The following BAAT variants were observed in gnomAD, a reference collection of about 807,000 sequenced individuals.
The protein encoded by BAAT is bile acid-CoA:amino acid N-acyltransferase.
A neutral mutation model predicts 18.9 loss-of-function variants in BAAT; 13 were observed. That is an observed-to-expected ratio of 0.69 (90% CI 0.45 to 1.10). The LOEUF (loss-of-function observed/expected upper bound fraction) is 1.10, where lower values mean the gene tolerates loss of function less well. Ranked by LOEUF, BAAT falls within the 50% of genes least tolerant of loss-of-function variation. The pLI is 0.00. For missense variants in BAAT, 489 were observed against 504.0 expected, an observed-to-expected ratio of 0.97 and a Z score of 0.28; for synonymous variants, 170 against 190.7, an observed-to-expected ratio of 0.89 and a Z score of 0.89.
At chr9:101,379,290 C>T (rs1033336177) in intron 1 of BAAT, among the ~76,000 whole-genome samples, 4 of 152,212 alleles carry the variant, frequency 2.6e-5, no homozygotes, top group South Asian at 4.1e-4. Context: ...CGTGAGCCAC[C>T]GCATCCGGCG....
At chr9:101,365,803 G>A (rs1829816228) in intron 3 of BAAT, among the ~76,000 whole-genome samples, 1 of 151,836 alleles carries the variant, frequency 6.6e-6, no homozygotes, top group Non-Finnish European at 1.5e-5. Flanking sequence ...CAAAGTGCTG[G>A]GATTACAGGC....
chr9:101,365,689 A>G (rs368169489), intron 3 of BAAT, among the ~76,000 whole-genome samples: 1 of 151,926 alleles, frequency 6.6e-6, no homozygotes, highest in Non-Finnish European at 1.5e-5. Context: ...GCCCGCCACC[A>G]CACCTGGCTA....
chr9:101,384,385 C>T (rs995421744), intron 1 of BAAT, among the ~76,000 whole-genome samples: 1 of 152,050 alleles, frequency 6.6e-6, no homozygotes, highest in Admixed American at 6.6e-5. Flanking sequence ...ATCTCATTAT[C>T]AAAGAAATGC....
chr9:101,367,228 T>G (rs529139123), intron 3 of BAAT, among the ~76,000 whole-genome samples: 1 of 152,184 alleles, frequency 6.6e-6, no homozygotes, highest in East Asian at 1.9e-4. Context: ...TTTTAAAATT[T>G]TAAAAGGCAT....
chr9:101,382,072 T>A (rs1307167294), intron 1 of BAAT, among the ~76,000 whole-genome samples: 2 of 152,188 alleles, frequency 1.3e-5, no homozygotes. Flanking sequence ...TACATATTGT[T>A]ACAGTAGGTA....
In BAAT at chr9:101,368,138, A is replaced by C. The variant is rs757300335; in HGVS notation, c.651T>G (p.Phe217Leu). 2 of 1,614,102 alleles carry C rather than the reference A, an allele frequency of 1.2e-6. No homozygotes were observed. Among genetic ancestry groups the C allele is most frequent in the Non-Finnish European group, 1.7e-6 (2 of 1,179,952 alleles). ...DLEYFEEAAN[F>L]LLRHPKVFGS... Reference sequence around the variant, plus strand: ...AAATTACCTTTGGATGTCTCAGGAGAAAGTTGGCAGCCTCCTCAAAATATT... The same window carrying C: ...AAATTACCTTTGGATGTCTCAGGAGCAAGTTGGCAGCCTCCTCAAAATATT... Residue 217 changes from phenylalanine (F) to leucine (L), a missense_variant, in exon 3 of 4, where the codon TTT becomes TTG. By Grantham distance (22) the Phe-to-Leu change is conservative. Transcript: ENST00000259407.
intron 1 of BAAT, among the ~76,000 whole-genome samples, chr9:101,373,316 A>G (rs1335332241): frequency 6.6e-6 from 1 of 152,230 alleles, no homozygotes; most frequent in Non-Finnish European, 1.5e-5. Context: ...TTTTGCAGGA[A>G]CAGGGATGAG....
Position 101,362,091 on chromosome 9 carries a change from T to A in BAAT, c.*337A>T. 1 of 373,674 alleles carries A rather than the reference T, an allele frequency of 2.7e-6. No homozygotes were observed. The highest frequency in any genetic ancestry group is 4.9e-6 in the Non-Finnish European group (1 of 204,208). 23.1% of individuals were successfully genotyped at this position (373,674 alleles called of 1,614,324 possible). On this transcript the variant is annotated 3_prime_UTR_variant, in exon 4 of 4. Coordinates refer to ENST00000259407, the MANE Select transcript of BAAT (RefSeq NM_001701.4). The stretch of plus-strand genomic sequence containing the variant: ...TAGTGTTTTCTGACATGGTATTTGG[T>A]TTTATATCTGTTACTTTGGTGCTAT...
At chr9:101,368,679 C>T (rs1463462616) in intron 2 of BAAT, among the ~76,000 whole-genome samples, 1 of 152,078 alleles carries the variant, frequency 6.6e-6, no homozygotes, top group Non-Finnish European at 1.5e-5. Context: ...ACAGTAGTTT[C>T]TATACTCTTG....
intron 3 of BAAT, among the ~76,000 whole-genome samples, chr9:101,363,527 A>G (rs1274505559): frequency 1.3e-5 from 2 of 152,194 alleles, no homozygotes; most frequent in African/African-American, 4.8e-5. Flanking sequence ...CCTCATTGTC[A>G]GTCATCAAAT....
At chr9:101,384,075 T>G (rs1830169193) in intron 1 of BAAT, among the ~76,000 whole-genome samples, 1 of 152,216 alleles carries the variant, frequency 6.6e-6, no homozygotes, top group Non-Finnish European at 1.5e-5. Context: ...ATAAAAGTAC[T>G]GGATCTTTTT....
At chr9:101,381,248 G>A (rs570388916) in intron 1 of BAAT, among the ~76,000 whole-genome samples, 5 of 151,982 alleles carry the variant, frequency 3.3e-5, no homozygotes, top group South Asian at 2.1e-4. Context: ...CAGGCCAGGC[G>A]TGGTGACTCA....
rs371796700 is a variant in BAAT, at chr9:101,362,499, C to G, written c.1186G>C (p.Glu396Gln). The change falls in exon 4 of 4, where the codon GAA becomes CAA. Residue 396 changes from glutamate (E) to glutamine (Q), a missense_variant. Transcript: ENST00000259407. ...CTCTGGATCTCCTTCCAAGCATGTT[C>G]CTGTGCAGCTGCGTGTGGGATCACC... is the stretch of plus-strand genomic sequence containing the variant. ...GEVIPHAAAQ[E>Q]HAWKEIQRFL... 3 of 1,614,102 alleles carry G rather than the reference C, an allele frequency of 1.9e-6. No homozygotes were observed. The South Asian group carries it at 3.3e-5, about 18-fold the overall frequency.
At position 101,362,749 on chromosome 9, in the gene BAAT, A is replaced by G. The variant is rs1399840503; in HGVS notation, c.936T>C (p.Pro312=). 6.2e-7 allele frequency: 1 copy of G among 1,614,230 alleles called. No homozygotes were observed. Among genetic ancestry groups the G allele is most frequent in the East Asian group, 2.2e-5 (1 of 44,882 alleles). The change falls in exon 4 of 4, where the codon CCT becomes CCC. Residue 312 remains proline, a synonymous_variant. Coordinates refer to ENST00000259407, the MANE Select transcript of BAAT (RefSeq NM_001701.4). The part of the protein sequence containing the change: ...TQVGASQYLF[P]IEEAQGQFLF... ...GGAATTGCCCCTGGGCCTCTTCAAT[A>G]GGAAACAAATATTGACTGGCCCCAA... is the stretch of plus-strand genomic sequence containing the variant.
intron 3 of BAAT, among the ~76,000 whole-genome samples, chr9:101,364,967 C>A (rs1829801918): frequency 6.6e-6 from 1 of 152,146 alleles, no homozygotes; most frequent in Admixed American, 6.5e-5. Context: ...AGAAAAGCCA[C>A]AGATTAATGC....
At chr9:101,381,783 G>A (rs1010724447) in intron 1 of BAAT, among the ~76,000 whole-genome samples, 2 of 152,182 alleles carry the variant, frequency 1.3e-5, no homozygotes, top group Admixed American at 6.5e-5. Context: ...TGATAATTCA[G>A]TGGTGAGTAA....
intron 1 of BAAT, 72 bp from the exon 2 acceptor site, chr9:101,371,535 G>C: frequency 1.1e-6 from 1 of 934,684 alleles, no homozygotes; most frequent in South Asian, 1.4e-5. Flanking sequence ...AATTGAATCA[G>C]CAGTCAGACC....
intron 1 of BAAT, among the ~76,000 whole-genome samples, chr9:101,379,352 G>A (rs1417615511): frequency 6.6e-6 from 1 of 152,160 alleles, no homozygotes; most frequent in Non-Finnish European, 1.5e-5. Flanking sequence ...GAAATCTTTA[G>A]AAGAATTCAC....
At chr9:101,367,724 A>T (rs1276261863) in intron 3 of BAAT, among the ~76,000 whole-genome samples, 1 of 152,018 alleles carries the variant, frequency 6.6e-6, no homozygotes, top group African/African-American at 2.4e-5. Context: ...GGCCTCTATT[A>T]ATCCTCCCAT....
Sources: gnomAD v4.1 joint callset for allele counts (sites outside exome capture counted in the v4.1 genomes callset) on GRCh38, gnomAD v4.1.1 for gene constraint, MANE v1.5 for transcripts, NCBI Gene and HGNC (gene_info 2026-07-23, HGNC 2026-07-21) for gene names.